The following ABCC1 variants were observed in gnomAD, a reference collection of about 807,000 sequenced individuals.
The protein encoded by ABCC1 is ATP binding cassette subfamily C member 1 (ABCC1 blood group).
Under a neutral mutation model 172.9 loss-of-function variants are expected in ABCC1, and 83 were observed. The observed-to-expected ratio is 0.48, with a 90% CI of 0.40 to 0.58. ABCC1 has a LOEUF of 0.58. ABCC1 is among the 20% of genes least tolerant of loss of function. The probability of loss-of-function intolerance (pLI) is 0.00; values close to 1 mark genes in which losing one functional copy is unlikely to be tolerated. For missense variants in ABCC1, 1,817 were observed against 2,002.7 expected, an observed-to-expected ratio of 0.91 and a Z score of 1.77; for synonymous variants, 937 against 825.2, an observed-to-expected ratio of 1.14 and a Z score of -2.32.
At chr16:16,008,127 G>C (rs960530250) in intron 2 of ABCC1, 135 bp downstream of exon 2, 2 of 936,488 alleles carry the variant, frequency 2.1e-6, no homozygotes, top group Non-Finnish European at 3.2e-6. Context: ...GAAGAATAAT[G>C]TGGGAGGTGA....
intron 13 of ABCC1, among the ~76,000 whole-genome samples, chr16:16,070,788 C>T (rs745961657): frequency 6.6e-6 from 1 of 152,216 alleles, no homozygotes; most frequent in Non-Finnish European, 1.5e-5. Context: ...CTATCTATCC[C>T]TTCATTCTTT....
intron 14 of ABCC1, among the ~76,000 whole-genome samples, chr16:16,075,597 C>T (rs996938879): frequency 1.5e-4 from 23 of 152,194 alleles, no homozygotes; most frequent in African/African-American, 4.8e-4. Flanking sequence ...CACCACTGCG[C>T]TCCAGCCTGG....
chr16:16,047,735 G>T (rs531358247), intron 9 of ABCC1, among the ~76,000 whole-genome samples: 1 of 152,078 alleles, frequency 6.6e-6, no homozygotes, highest in South Asian at 2.1e-4. Flanking sequence ...GTGGGATCTG[G>T]GACCAGTAGC....
At chr16:16,057,476 G>C (rs551419807) in intron 12 of ABCC1, among the ~76,000 whole-genome samples, 17 of 151,258 alleles carry the variant, frequency 1.1e-4, no homozygotes, top group Admixed American at 1.1e-3. Context: ...CTTGACTGCT[G>C]TATCCTCAGT....
At chr16:16,057,513 G>A (rs1596439231) in intron 12 of ABCC1, among the ~76,000 whole-genome samples, 1 of 150,328 alleles carries the variant, frequency 6.7e-6, no homozygotes, top group Admixed American at 6.6e-5. Flanking sequence ...AGCAGGTGCT[G>A]AACAAATATT....
chr16:16,005,069 C>CTTT lies in ABCC1; in HGVS notation c.49-2735_49-2733dup, dbSNP rs36027088. On this transcript the variant is annotated intron_variant, in intron 1 of 30. Coordinates refer to ENST00000399410, the MANE Select transcript of ABCC1 (RefSeq NM_004996.4). ...TATTTCCCTCATTTCTCATTTTTAACTTTTTTTTTTTTTTGATATGGCTTT... is the reference window on the plus strand; with the variant it reads ...TATTTCCCTCATTTCTCATTTTTAACTTTTTTTTTTTTTTTTTGATATGGCTTT... Among the ~76,000 whole-genome samples, 591 of 134,458 alleles carry CTTT rather than the reference C, an allele frequency of 4.4e-3. 4 individuals are homozygous for CTTT. The highest frequency in any genetic ancestry group is 5.7e-3 in the Non-Finnish European group (366 of 64,482). The allele number at this position is 134,458 out of a possible 152,430, so 88.2% of individuals were successfully genotyped here.
intron 17 of ABCC1, among the ~76,000 whole-genome samples, chr16:16,084,590 C>G (rs1192554598): frequency 2.0e-5 from 3 of 147,750 alleles, no homozygotes; most frequent in Non-Finnish European, 4.5e-5. Context: ...TGTCTAACTC[C>G]TGACCTCAAG....
chr16:16,030,425 C>T (rs1458587637), intron 5 of ABCC1, among the ~76,000 whole-genome samples: 2 of 151,932 alleles, frequency 1.3e-5, no homozygotes, highest in Non-Finnish European at 1.5e-5. Flanking sequence ...CTTAGGAGGC[C>T]GAGGCGGGAG....
At chr16:16,069,542 C>T (rs2050252113) in intron 13 of ABCC1, among the ~76,000 whole-genome samples, 1 of 152,038 alleles carries the variant, frequency 6.6e-6, no homozygotes, top group South Asian at 2.1e-4. Flanking sequence ...TTTTTCCGAG[C>T]ATTGCGAACA....
Position 16,131,893 on chromosome 16 carries a change from C to G in ABCC1, c.3924C>G (p.Phe1308Leu), listed in dbSNP as rs201117375. ...YCLRYREDLD[F>L]VLRHINVTIN... ...TGCGCTACCGAGAGGACCTGGACTT[C>G]GTTCTCAGGCACATCAATGTCACGA... The change falls in exon 27 of 31, where the codon TTC (phenylalanine) becomes TTG (leucine). Residue 1308 changes from phenylalanine to leucine, a missense_variant. Phe to Leu is a conservative substitution (Grantham distance 22, BLOSUM62 0). Transcript: ENST00000399410. 1 of 1,614,108 alleles carries G rather than the reference C, an allele frequency of 6.2e-7. No homozygotes were observed. The highest frequency in any genetic ancestry group is 1.1e-5 in the South Asian group (1 of 91,058).
At chr16:16,127,386 T>C (rs1309185141) in intron 26 of ABCC1, among the ~76,000 whole-genome samples, 1 of 152,196 alleles carries the variant, frequency 6.6e-6, no homozygotes, top group Non-Finnish European at 1.5e-5. Context: ...TTTGTATTTT[T>C]AGTAGAGACG....
intron 1 of ABCC1, among the ~76,000 whole-genome samples, chr16:15,957,142 C>T (rs143009924): frequency 0.028 from 4,254 of 151,848 alleles, 222 homozygotes; most frequent in African/African-American, 0.098. Flanking sequence ...TGCAGTGGCG[C>T]GACCTCAGCT....
At chr16:16,015,288 C>T (rs1027512229) in intron 4 of ABCC1, among the ~76,000 whole-genome samples, 4 of 152,074 alleles carry the variant, frequency 2.6e-5, no homozygotes, top group Admixed American at 1.3e-4. Context: ...CACAGGCACG[C>T]GCCACCATGC....
At chr16:16,103,555 G>C (rs975008902) in intron 20 of ABCC1, among the ~76,000 whole-genome samples, 3 of 152,150 alleles carry the variant, frequency 2.0e-5, no homozygotes, top group East Asian at 1.9e-4. Context: ...ACTCCAGCCT[G>C]GGTGACAGAG....
At chr16:16,016,951 C>T (rs1489734541) in intron 5 of ABCC1, among the ~76,000 whole-genome samples, 1 of 147,318 alleles carries the variant, frequency 6.8e-6, no homozygotes, top group Non-Finnish European at 1.5e-5. Context: ...TCCAGATGTT[C>T]TGGAAAAGTA....
In ABCC1 at chr16:16,136,568, G is replaced by A. The variant is rs1228362569; in HGVS notation, c.4216G>A (p.Ala1406Thr). ...DEEVWTSLEL[A>T]HLKDFVSALP... ...AGAAGTCTGGACGTCCCTGGAGCTG[G>A]CCCACCTGAAGGACTTCGTGTCAGC... Residue 1406 changes from alanine to threonine, a missense_variant, in exon 29 of 31, where the codon GCC becomes ACC. Physicochemically the swap from Ala to Thr is moderately conservative, Grantham distance 58. Coordinates refer to ENST00000399410, the MANE Select transcript of ABCC1 (RefSeq NM_004996.4). The A allele has an allele frequency of 6.2e-7, 1 of 1,614,146 alleles. No homozygotes were observed. Among genetic ancestry groups the A allele is most frequent in the Non-Finnish European group, 8.5e-7 (1 of 1,180,018 alleles).
intron 20 of ABCC1, among the ~76,000 whole-genome samples, chr16:16,104,268 A>T (rs1001735076): frequency 4.6e-5 from 7 of 152,110 alleles, no homozygotes; most frequent in African/African-American, 7.2e-5. Context: ...TTATTCTCTT[A>T]TCTGGCCCTA....
intron 23 of ABCC1, among the ~76,000 whole-genome samples, chr16:16,118,596 G>A (rs1470822671): frequency 6.6e-6 from 1 of 152,016 alleles, no homozygotes; most frequent in Non-Finnish European, 1.5e-5. Flanking sequence ...GTGGAGCAAT[G>A]TGGCTTTGAG....
chr16:16,049,508 C>G (rs1197013121), intron 10 of ABCC1, among the ~76,000 whole-genome samples: 2 of 152,030 alleles, frequency 1.3e-5, no homozygotes, highest in Non-Finnish European at 2.9e-5. Context: ...TGCCACGTAC[C>G]TTTCCTTCCT....
Sources: gnomAD v4.1 joint callset for allele counts (sites outside exome capture counted in the v4.1 genomes callset) on GRCh38, gnomAD v4.1.1 for gene constraint, MANE v1.5 for transcripts, NCBI Gene and HGNC (gene_info 2026-07-23, HGNC 2026-07-21) for gene names.